The following ZNRF2 variants were observed in gnomAD, a reference collection of about 807,000 sequenced individuals.
The protein encoded by ZNRF2 is zinc and ring finger 2.
Under a neutral mutation model 20.4 loss-of-function variants are expected in ZNRF2, and 16 were observed. The observed-to-expected ratio is 0.79, with a 90% CI of 0.53 to 1.19. The LOEUF (loss-of-function observed/expected upper bound fraction) is 1.19. Among genes scored for constraint, ZNRF2 ranks in the 50% most tolerant of loss-of-function variants. The pLI, the probability that ZNRF2 is intolerant of heterozygous loss-of-function variation, is 0.00. For missense variants in ZNRF2, 363 were observed against 332.4 expected, an observed-to-expected ratio of 1.09 and a Z score of -0.72; for synonymous variants, 178 against 144.9, an observed-to-expected ratio of 1.23 and a Z score of -1.64.
intron 2 of ZNRF2, among the ~76,000 whole-genome samples, chr7:30,348,085 A>C (rs555002243): frequency 2.6e-5 from 4 of 152,182 alleles, no homozygotes; most frequent in African/African-American, 9.6e-5. Context: ...ATTTATTGGT[A>C]AACTTGGCAC....
chr7:30,309,903 A>G (rs1386986257), intron 1 of ZNRF2, among the ~76,000 whole-genome samples: 1 of 152,192 alleles, frequency 6.6e-6, no homozygotes, highest in Non-Finnish European at 1.5e-5. Flanking sequence ...AGAAAACAAG[A>G]TACATGGCTT....
chr7:30,288,153 CTT>C (rs1399772404), intron 1 of ZNRF2, among the ~76,000 whole-genome samples: 1 of 152,130 alleles, frequency 6.6e-6, no homozygotes, highest in African/African-American at 2.4e-5. Context: ...AATGAAGAAT[CTT>C]ATAATTAAAA....
chr7:30,319,710 A>C (rs1418605359), intron 1 of ZNRF2, among the ~76,000 whole-genome samples: 1 of 152,220 alleles, frequency 6.6e-6, no homozygotes, highest in South Asian at 2.1e-4. Flanking sequence ...TTAGTAGGAT[A>C]CTGGTGACCA....
intron 2 of ZNRF2, among the ~76,000 whole-genome samples, chr7:30,331,774 CAAA>C (rs1309444929): frequency 6.6e-6 from 1 of 152,046 alleles, no homozygotes; most frequent in East Asian, 1.9e-4. Context: ...AAATACCAAA[CAAA>C]AAGAGAAAAA....
chr7:30,290,202 T>C (rs1219852230), intron 1 of ZNRF2, among the ~76,000 whole-genome samples: 4 of 152,270 alleles, frequency 2.6e-5, no homozygotes, highest in African/African-American at 9.6e-5. Flanking sequence ...GACATTTATT[T>C]GTTAAGAAAT....
chr7:30,328,269 G>C (rs1799583607), intron 2 of ZNRF2, among the ~76,000 whole-genome samples: 2 of 152,124 alleles, frequency 1.3e-5, no homozygotes, highest in South Asian at 4.1e-4. Context: ...CTCTAAAACT[G>C]AATCTTTTTA....
At chr7:30,313,071 GC>G (rs1401294351) in intron 1 of ZNRF2, among the ~76,000 whole-genome samples, 1 of 152,146 alleles carries the variant, frequency 6.6e-6, no homozygotes, top group African/African-American at 2.4e-5. Context: ...TACCCAAGTG[GC>G]TACTTTGGTT....
intron 4 of ZNRF2, among the ~76,000 whole-genome samples, chr7:30,363,570 T>G (rs1800161883): frequency 6.6e-6 from 1 of 152,250 alleles, no homozygotes; most frequent in African/African-American, 2.4e-5. Context: ...TTCAATTTAA[T>G]CATTCACTTT....
chr7:30,295,927 T>C (rs1205124518), intron 1 of ZNRF2, among the ~76,000 whole-genome samples: 1 of 152,200 alleles, frequency 6.6e-6, no homozygotes, highest in Non-Finnish European at 1.5e-5. Context: ...TGCTCAGATT[T>C]TGCAAAAACA....
intron 2 of ZNRF2, among the ~76,000 whole-genome samples, chr7:30,330,129 T>G (rs1799615171): frequency 6.6e-6 from 1 of 152,226 alleles, no homozygotes; most frequent in South Asian, 2.1e-4. Context: ...ACTTTAGACT[T>G]CTGTGATTCA....
At chr7:30,297,805 C>CT (rs982091270) in intron 1 of ZNRF2, among the ~76,000 whole-genome samples, 2 of 149,612 alleles carry the variant, frequency 1.3e-5, no homozygotes, top group African/African-American at 4.9e-5. Flanking sequence ...TTTGCTTTTT[C>CT]TTTTTTCTCT....
At chr7:30,354,726 T>C (rs1800010832) in intron 2 of ZNRF2, among the ~76,000 whole-genome samples, 1 of 152,190 alleles carries the variant, frequency 6.6e-6, no homozygotes, top group Non-Finnish European at 1.5e-5. Context: ...CAGTAATTTG[T>C]TTATTTATAA....
In ZNRF2 at chr7:30,285,705, G is replaced by A. The variant is rs770619063; in HGVS notation, c.348G>A (p.Ser116=). 1.7e-4 allele frequency: 245 copies of A among 1,470,832 alleles called. 2 individuals are homozygous for A. In the East Asian group the frequency reaches 2.3e-3, roughly 14 times the overall value. The allele number at this position is 1,470,832 out of a possible 1,614,324, so 91.1% of individuals were successfully genotyped here. ...SSSGPYGSQD[S]VHSSPEDGGG... ...GCGGCCCGTACGGCTCGCAGGACTC[G>A]GTGCACAGCAGCCCTGAGGACGGCG... The change falls in exon 1 of 5, where the codon TCG becomes TCA. Residue 116 remains serine, a synonymous_variant. Coordinates refer to ENST00000323037, the MANE Select transcript of ZNRF2 (RefSeq NM_147128.4).
intron 1 of ZNRF2, among the ~76,000 whole-genome samples, chr7:30,299,083 A>G (rs921836765): frequency 6.6e-6 from 1 of 151,886 alleles, no homozygotes; most frequent in African/African-American, 2.4e-5. Flanking sequence ...AGTTATCTTT[A>G]CTTAGTTTTT....
intron 1 of ZNRF2, among the ~76,000 whole-genome samples, chr7:30,298,617 TC>T (rs1376418325): frequency 2.0e-5 from 3 of 152,232 alleles, no homozygotes; most frequent in Non-Finnish European, 4.4e-5. Context: ...TTTCATTTAA[TC>T]TCAATATTTA....
chr7:30,330,583 A>G (rs1799622630), intron 2 of ZNRF2, among the ~76,000 whole-genome samples: 1 of 152,140 alleles, frequency 6.6e-6, no homozygotes, highest in Non-Finnish European at 1.5e-5. Flanking sequence ...AGGAAAGAGC[A>G]TATTTTTTCC....
intron 1 of ZNRF2, among the ~76,000 whole-genome samples, chr7:30,314,253 C>T (rs577125536): frequency 4.9e-4 from 74 of 152,182 alleles, no homozygotes; most frequent in Middle Eastern, 3.4e-3. Flanking sequence ...CCTTTATTTT[C>T]TAATAAAGTT....
intron 2 of ZNRF2, among the ~76,000 whole-genome samples, chr7:30,333,054 C>CTTTTTTTT (rs1259371701): frequency 7.2e-6 from 1 of 139,046 alleles, no homozygotes. Flanking sequence ...TATATTTTGA[C>CTTTTTTTT]TTTTTTTTTT....
chr7:30,295,652 G>A (rs910610540), intron 1 of ZNRF2, among the ~76,000 whole-genome samples: 1 of 152,226 alleles, frequency 6.6e-6, no homozygotes, highest in Admixed American at 6.5e-5. Context: ...TGAAGTTGCA[G>A]TGAGCCAGGA....
Sources: gnomAD v4.1 joint callset for allele counts (sites outside exome capture counted in the v4.1 genomes callset) on GRCh38, gnomAD v4.1.1 for gene constraint, MANE v1.5 for transcripts, NCBI Gene and HGNC (gene_info 2026-07-23, HGNC 2026-07-21) for gene names.